Variants in ELF1 observed in about 807,000 individuals in gnomAD.
ELF1 encodes ETS-related transcription factor Elf-1.
A neutral mutation model predicts 59.9 loss-of-function variants in ELF1; 24 were observed. That is an observed-to-expected ratio of 0.40 (90% CI 0.29 to 0.56). The LOEUF (loss-of-function observed/expected upper bound fraction) is 0.56. ELF1 is among the 20% of genes least tolerant of loss of function. The probability of loss-of-function intolerance (pLI) is 0.44; values close to 1 mark genes in which losing one functional copy is unlikely to be tolerated. For missense variants in ELF1, 627 were observed against 742.2 expected (o/e 0.84, Z 1.80); for synonymous variants, 248 against 266.2 (o/e 0.93, Z 0.67).
chr13:40,997,033 G>C (rs2138322206), intron 1 of ELF1, among the ~76,000 whole-genome samples: 1 of 152,084 alleles, frequency 6.6e-6, no homozygotes, highest in Non-Finnish European at 1.5e-5. Context: ...ACAACCTTTT[G>C]TTCCTGTGAC....
At chr13:41,027,333 A>G (rs1875979734) in intron 1 of ELF1, among the ~76,000 whole-genome samples, 1 of 152,254 alleles carries the variant, frequency 6.6e-6, no homozygotes. Context: ...AATCAAGTGG[A>G]TAGCATGACC....
intron 7 of ELF1, 120 bp downstream of exon 7, chr13:40,942,832 C>A: frequency 9.6e-7 from 1 of 1,044,106 alleles, no homozygotes; most frequent in East Asian, 2.8e-5. Context: ...GAAAATGTAC[C>A]CTCTTATTAT....
At chr13:41,047,787 C>G (rs1441839134) in intron 1 of ELF1, among the ~76,000 whole-genome samples, 2 of 152,176 alleles carry the variant, frequency 1.3e-5, no homozygotes. Context: ...CTGGGAAAAC[C>G]ACTACTCTCT....
intron 1 of ELF1, among the ~76,000 whole-genome samples, chr13:41,044,799 C>A (rs1048332902): frequency 6.6e-5 from 10 of 152,144 alleles, no homozygotes; most frequent in Non-Finnish European, 1.3e-4. Context: ...CAGGATGATG[C>A]TGGCCTCATA....
Position 41,005,425 on chromosome 13 carries a change from C to T in ELF1, c.-229+13803G>A, listed in dbSNP as rs572718248. On this transcript the variant is annotated intron_variant, in intron 1 of 8. Coordinates refer to ENST00000239882, the MANE Select transcript of ELF1 (RefSeq NM_172373.4). ...CTTGACCACCTTGATATGTGACCCT[C>T]CCCCCAACCTCTGCTATACCTATCC... is the stretch of plus-strand genomic sequence containing the variant. 4.0e-5 allele frequency among the ~76,000 whole-genome samples: 6 copies of T among 148,176 alleles called. No homozygotes were observed. The South Asian group carries it at 1.3e-3, about 33-fold the overall frequency.
intron 3 of ELF1, among the ~76,000 whole-genome samples, chr13:40,958,431 T>A (rs534907721): frequency 5.3e-5 from 8 of 152,104 alleles, no homozygotes; most frequent in African/African-American, 1.9e-4. Flanking sequence ...GGGTGGTGCA[T>A]GACTGTTGTC....
At chr13:41,018,306 A>T (rs1357642311) in intron 1 of ELF1, among the ~76,000 whole-genome samples, 1 of 152,214 alleles carries the variant, frequency 6.6e-6, no homozygotes, top group Admixed American at 6.5e-5. Context: ...TCATAACTAC[A>T]ATGACAAGTA....
intron 2 of ELF1, among the ~76,000 whole-genome samples, chr13:40,973,036 A>G (rs1266881520): frequency 6.6e-6 from 1 of 152,196 alleles, no homozygotes; most frequent in Non-Finnish European, 1.5e-5. Context: ...ATTTTGTTCT[A>G]AAAGTTCTTG....
exon 1 of ELF1, chr13:41,060,897 G>A (rs996222172): frequency 3.8e-5 from 13 of 346,604 alleles, no homozygotes; most frequent in Admixed American, 1.2e-4. Flanking sequence ...CCGCCTCTGC[G>A]CTACTGAAGC....
At chr13:41,026,988 C>T (rs978643486) in intron 1 of ELF1, among the ~76,000 whole-genome samples, 1 of 152,192 alleles carries the variant, frequency 6.6e-6, no homozygotes, top group African/African-American at 2.4e-5. Context: ...CAAAAGCGGA[C>T]AGCTGCAGTG....
chr13:40,943,215 A>C, intron 6 of ELF1, 71 bp from the exon 7 acceptor site: 1 of 1,264,024 alleles, frequency 7.9e-7, no homozygotes, highest in Non-Finnish European at 1.1e-6. Flanking sequence ...AGACAACTAA[A>C]AGTCTTAGAA....
chr13:41,012,624 A>G (rs1875141029), intron 1 of ELF1, among the ~76,000 whole-genome samples: 1 of 147,870 alleles, frequency 6.8e-6, no homozygotes, highest in Non-Finnish European at 1.5e-5. Flanking sequence ...ATTTCACTGT[A>G]GCATTAACTC....
chr13:41,056,977 T>C (rs1258896302), intron 1 of ELF1, among the ~76,000 whole-genome samples: 2 of 151,920 alleles, frequency 1.3e-5, no homozygotes, highest in African/African-American at 4.8e-5. Context: ...TACAGTGAAG[T>C]GGTAGATAAG....
intron 1 of ELF1, among the ~76,000 whole-genome samples, chr13:41,054,572 C>T (rs180927609): frequency 2.0e-5 from 3 of 152,330 alleles, no homozygotes; most frequent in African/African-American, 7.2e-5. Flanking sequence ...CATAACTTCT[C>T]TATTTCTTTT....
intron 2 of ELF1, among the ~76,000 whole-genome samples, chr13:40,959,760 T>A (rs1871696604): frequency 6.6e-6 from 1 of 152,118 alleles, no homozygotes. Context: ...GAGTATAAAC[T>A]ATTACTCCTA....
intron 8 of ELF1, among the ~76,000 whole-genome samples, chr13:40,938,654 T>C (rs1869939623): frequency 6.6e-6 from 1 of 152,180 alleles, no homozygotes; most frequent in African/African-American, 2.4e-5. Flanking sequence ...TATGCCTCAC[T>C]ATATGTAAAG....
In ELF1 at chr13:40,982,229, C is replaced by T; in HGVS notation, c.-175G>A. The stretch of plus-strand genomic sequence containing the variant: ...TCAGTTTTCCTGGTTCATTGATATT[C>T]TAGTCAAATTGAGACAATTTTTCTG... On this transcript the variant is annotated 5_prime_UTR_variant, in exon 2 of 9. Coordinates refer to ENST00000239882, the MANE Select transcript of ELF1 (RefSeq NM_172373.4). 2 of 1,291,042 alleles carry T rather than the reference C, an allele frequency of 1.5e-6. No homozygotes were observed. The highest frequency in any genetic ancestry group is 2.0e-6 in the Non-Finnish European group (2 of 1,018,114). 80.0% of individuals were successfully genotyped at this position (1,291,042 alleles called of 1,614,324 possible). A position where few individuals can be genotyped will look rare whatever the true frequency, so the allele number is the denominator to read the frequency against.
chr13:41,052,682 C>T lies in ELF1; in HGVS notation c.-229+8156G>A, dbSNP rs146828894. 3.0e-3 allele frequency among the ~76,000 whole-genome samples: 449 copies of T among 152,108 alleles called. 3 individuals carry two copies. Among genetic ancestry groups the T allele is most frequent in the African/African-American group, 0.01 (428 of 41,478 alleles). Reference sequence around the variant, plus strand: ...AGTGAGCCATGATCATGACACAGCACTCCAGCCTGGGAGACAGAGAGACTC... The same window carrying T: ...AGTGAGCCATGATCATGACACAGCATTCCAGCCTGGGAGACAGAGAGACTC... On this transcript the variant is annotated intron_variant, in intron 1 of 1. Coordinates refer to the ELF1 transcript ENST00000405737.
intron 7 of ELF1, among the ~76,000 whole-genome samples, chr13:40,942,145 T>C (rs1451670595): frequency 1.3e-5 from 2 of 152,332 alleles, no homozygotes; most frequent in African/African-American, 2.4e-5. Flanking sequence ...CTTTTGTGTA[T>C]AAAATTTAAC....
Sources: gnomAD v4.1 joint callset for allele counts (sites outside exome capture counted in the v4.1 genomes callset) on GRCh38, gnomAD v4.1.1 for gene constraint, MANE v1.5 for transcripts, NCBI Gene and HGNC (gene_info 2026-07-23, HGNC 2026-07-21) for gene names.